Variants in VDR observed in about 807,000 individuals in gnomAD.
VDR encodes vitamin D receptor, also known as vitamin D3 receptor.
Under a neutral mutation model 39.7 loss-of-function variants are expected in VDR, and 19 were observed. The observed-to-expected ratio is 0.48, with a 90% CI of 0.33 to 0.70. The LOEUF (loss-of-function observed/expected upper bound fraction) is 0.70. Ranked by LOEUF, VDR falls within the 30% of genes least tolerant of loss-of-function variation. VDR has a pLI of 0.02. For missense variants in VDR, 442 were observed against 570.5 expected (o/e 0.77, Z 2.29); for synonymous variants, 242 against 215.8 (o/e 1.12, Z -1.07).
intron 5 of VDR, 23 bp from the exon 6 acceptor site, chr12:47,857,272 C>G: frequency 1.2e-6 from 2 of 1,614,096 alleles, no homozygotes; most frequent in South Asian, 2.2e-5. Context: ...GATGGGGTCT[C>G]AGACCCACAT....
At chr12:47,890,965 A>G (rs1018772935) in intron 1 of VDR, among the ~76,000 whole-genome samples, 7 of 152,204 alleles carry the variant, frequency 4.6e-5, no homozygotes, top group African/African-American at 1.7e-4. Flanking sequence ...TGCTCAGGCA[A>G]ACCTCTTTGA....
At chr12:47,892,368 G>A (rs1231771642) in intron 1 of VDR, among the ~76,000 whole-genome samples, 1 of 152,226 alleles carries the variant, frequency 6.6e-6, no homozygotes, top group Non-Finnish European at 1.5e-5. Flanking sequence ...TTCAAGGGCA[G>A]CAGCAGTCAC....
chr12:47,889,018 T>C (rs1473456847), intron 1 of VDR, among the ~76,000 whole-genome samples: 2 of 152,158 alleles, frequency 1.3e-5, no homozygotes, highest in Non-Finnish European at 2.9e-5. Context: ...TCACTCTGTA[T>C]TCCATATGTA....
chr12:47,892,197 T>C (rs981511379), intron 1 of VDR, among the ~76,000 whole-genome samples: 9 of 152,214 alleles, frequency 5.9e-5, no homozygotes, highest in Admixed American at 5.2e-4. Context: ...TGGGCAGGGC[T>C]GGGCTAACTC....
intron 1 of VDR, among the ~76,000 whole-genome samples, chr12:47,890,747 A>G (rs1437247846): frequency 6.6e-6 from 1 of 152,230 alleles, no homozygotes; most frequent in African/African-American, 2.4e-5. Context: ...TAGAAGTGCT[A>G]TTCTGACTAG....
At chr12:47,851,572 TTC>T (rs1945388565) in intron 7 of VDR, among the ~76,000 whole-genome samples, 1 of 152,236 alleles carries the variant, frequency 6.6e-6, no homozygotes, top group Non-Finnish European at 1.5e-5. Context: ...GCAGCCACTG[TTC>T]TTCTATGTCT....
chr12:47,890,980 C>CG (rs1946358934), intron 1 of VDR, among the ~76,000 whole-genome samples: 1 of 152,186 alleles, frequency 6.6e-6, no homozygotes, highest in South Asian at 2.1e-4. Flanking sequence ...CTTTGAGGCC[C>CG]AACAACCTAC....
Position 47,886,041 on chromosome 12 carries a change from G to C in VDR, c.-83-3267C>G, listed in dbSNP as rs11168281. On this transcript the variant is annotated intron_variant, in intron 1 of 9. Transcript: ENST00000549336. ...TCCTCTCTCTGCCAGGTTGGGACTG[G>C]AGTGATCTAAACTGGGCTTTCTAAT... 4.2e-4 allele frequency among the ~76,000 whole-genome samples: 64 copies of C among 152,344 alleles called. No homozygotes were observed. In the East Asian group the frequency reaches 0.011, roughly 27 times the overall value.
At chr12:47,867,956 G>A (rs745446147) in intron 3 of VDR, among the ~76,000 whole-genome samples, 1 of 151,750 alleles carries the variant, frequency 6.6e-6, no homozygotes, top group Non-Finnish European at 1.5e-5. Flanking sequence ...AGAGACCAGA[G>A]TAGGGCTCTA....
At chr12:47,891,919 C>T (rs1029904672) in intron 1 of VDR, among the ~76,000 whole-genome samples, 3 of 151,816 alleles carry the variant, frequency 2.0e-5, no homozygotes, top group African/African-American at 4.8e-5. Flanking sequence ...CCCACCACCA[C>T]CTGAAGCAGA....
chr12:47,891,751 C>T (rs558650978), intron 1 of VDR, among the ~76,000 whole-genome samples: 1 of 152,164 alleles, frequency 6.6e-6, no homozygotes, highest in Non-Finnish European at 1.5e-5. Flanking sequence ...CCTTCTCATC[C>T]AGTGTCACCT....
chr12:47,887,615 G>A (rs1240564018), intron 1 of VDR, among the ~76,000 whole-genome samples: 1 of 152,252 alleles, frequency 6.6e-6, no homozygotes, highest in Non-Finnish European at 1.5e-5. Context: ...TGGTAGCACA[G>A]ACAGCGTCCA....
intron 3 of VDR, among the ~76,000 whole-genome samples, chr12:47,869,300 G>C (rs925116761): frequency 2.0e-5 from 3 of 152,180 alleles, no homozygotes; most frequent in Non-Finnish European, 4.4e-5. Context: ...ACTTTGGGAG[G>C]CCGAGACAGG....
intron 1 of VDR, among the ~76,000 whole-genome samples, chr12:47,896,219 C>T (rs1565637804): frequency 6.6e-6 from 1 of 152,252 alleles, no homozygotes; most frequent in Admixed American, 6.5e-5. Flanking sequence ...GCTCAGTAAA[C>T]GTTAGTGCTT....
chr12:47,886,943 G>A (rs536901630), intron 1 of VDR, among the ~76,000 whole-genome samples: 2 of 152,158 alleles, frequency 1.3e-5, no homozygotes, highest in East Asian at 1.9e-4. Context: ...GTTAGACAAA[G>A]CTACTAGGCC....
intron 1 of VDR, 103 bp from the exon 2 acceptor site, chr12:47,882,877 C>A: frequency 1.1e-6 from 1 of 875,202 alleles, no homozygotes; most frequent in South Asian, 1.6e-5. Flanking sequence ...GGACTTTAGT[C>A]CCCAGATCAG....
intron 3 of VDR, among the ~76,000 whole-genome samples, chr12:47,872,593 G>A (rs1277484961): frequency 2.6e-5 from 4 of 152,172 alleles, no homozygotes; most frequent in African/African-American, 4.8e-5. Context: ...AGCAACCACT[G>A]TCCAGTTCTG....
At chr12:47,874,252 G>A (rs1945954035) in intron 3 of VDR, among the ~76,000 whole-genome samples, 1 of 152,160 alleles carries the variant, frequency 6.6e-6, no homozygotes, top group Non-Finnish European at 1.5e-5. Context: ...AGTGGACCTG[G>A]ACAAAGTCTC....
intron 2 of VDR, among the ~76,000 whole-genome samples, chr12:47,881,180 T>A (rs1946144416): frequency 6.6e-6 from 1 of 151,736 alleles, no homozygotes; most frequent in Admixed American, 6.6e-5. Flanking sequence ...ACATACACTG[T>A]CCTTTTTCCT....
Sources: allele counts gnomAD v4.1 joint callset (sites outside exome capture counted in the v4.1 genomes callset), GRCh38; gene constraint gnomAD v4.1.1; transcripts MANE v1.5; gene names NCBI Gene and HGNC (gene_info 2026-07-23, HGNC 2026-07-21).